Variants in TEAD1 observed in about 807,000 individuals in gnomAD.
TEAD1 encodes the protein transcriptional enhancer factor TEF-1.
A neutral mutation model predicts 54.9 loss-of-function variants in TEAD1; 9 were observed. The observed-to-expected ratio is 0.16, with a 90% confidence interval of 0.10 to 0.29. The LOEUF is 0.29. Ranked by LOEUF, TEAD1 falls within the 10% of genes least tolerant of loss-of-function variation. The pLI is 1.00. For missense variants in TEAD1, 387 were observed against 535.9 expected, an observed-to-expected ratio of 0.72 and a Z score of 2.74; for synonymous variants, 200 against 187.8, an observed-to-expected ratio of 1.07 and a Z score of -0.53.
At chr11:12,686,932 A>G (rs567208583) in intron 2 of TEAD1, among the ~76,000 whole-genome samples, 1 of 152,222 alleles carries the variant, frequency 6.6e-6, no homozygotes, top group Admixed American at 6.5e-5. Context: ...GCTCTGACCA[A>G]AACAATGGCG....
chr11:12,693,374 C>T (rs1314159763), intron 2 of TEAD1, among the ~76,000 whole-genome samples: 1 of 152,242 alleles, frequency 6.6e-6, no homozygotes, highest in African/African-American at 2.4e-5. Context: ...GGTCTGCTCA[C>T]TCTGAACTCT....
intron 2 of TEAD1, among the ~76,000 whole-genome samples, chr11:12,679,596 A>G (rs1289701772): frequency 6.6e-6 from 1 of 152,190 alleles, no homozygotes; most frequent in Non-Finnish European, 1.5e-5. Flanking sequence ...GAACATATTG[A>G]ACTTATATTC....
intron 10 of TEAD1, among the ~76,000 whole-genome samples, chr11:12,921,686 G>A (rs1020412593): frequency 2.6e-5 from 4 of 152,218 alleles, no homozygotes; most frequent in Admixed American, 2.6e-4. Context: ...GGCAGTTCTT[G>A]AAGGTAACAC....
At position 12,899,301 on chromosome 11, in the gene TEAD1, T is replaced by TAAAA. The variant is rs1444528525; in HGVS notation, c.700-2637_700-2636insAAAA. Among the ~76,000 whole-genome samples, 3 of 7,706 alleles carry TAAAA rather than the reference T, an allele frequency of 3.9e-4. No individual in the cohort carries two copies. The Non-Finnish European group carries it at 7.3e-3, about 19-fold the overall frequency. 5.1% of individuals were successfully genotyped at this position (7,706 alleles called of 152,430 possible). ...ACGGATACATAGCCAGTTGTCTAGG[T>TAAAA]AATAAACAATGCCTTTTGCCCTGTA... On this transcript the variant is annotated intron_variant, in intron 9 of 12. Coordinates refer to ENST00000527636, the MANE Select transcript of TEAD1 (RefSeq NM_021961.6).
chr11:12,797,602 C>A (rs1382850372), intron 3 of TEAD1, among the ~76,000 whole-genome samples: 1 of 151,900 alleles, frequency 6.6e-6, no homozygotes, highest in East Asian at 1.9e-4. Context: ...CTTCCTGACT[C>A]CACTAAGTAG....
chr11:12,720,233 TAGAG>T (rs1430427385), intron 2 of TEAD1, among the ~76,000 whole-genome samples: 1 of 152,072 alleles, frequency 6.6e-6, no homozygotes. Context: ...GTTAGATCTC[TAGAG>T]AGAGGAATAG....
chr11:12,875,749 A>G (rs77778720), intron 5 of TEAD1, among the ~76,000 whole-genome samples: 1,743 of 152,320 alleles, frequency 0.011, 29 homozygotes, highest in African/African-American at 0.04. Flanking sequence ...TTTCCTTTCT[A>G]CACTTAGCTT....
intron 3 of TEAD1, among the ~76,000 whole-genome samples, chr11:12,856,156 T>C (rs1457158457): frequency 6.6e-6 from 1 of 150,970 alleles, no homozygotes; most frequent in Non-Finnish European, 1.5e-5. Flanking sequence ...AACTTTATGT[T>C]CATGATCTGG....
In TEAD1 at chr11:12,937,293, C is replaced by A; in HGVS notation, c.*71C>A. The A allele has an allele frequency of 8.0e-7, 1 of 1,254,818 alleles. No homozygotes were observed. Among genetic ancestry groups the A allele is most frequent in the Non-Finnish European group, 1.1e-6 (1 of 870,890 alleles). 77.7% of individuals were successfully genotyped at this position (1,254,818 alleles called of 1,614,324 possible). On this transcript the variant is annotated 3_prime_UTR_variant, in exon 13 of 13. Transcript: ENST00000527636. ...TATGTGCACACACACACTCTCTCTC[C>A]ATTATCGAACGACTGACTGTAAACC...
At chr11:12,727,681 A>G (rs1163163888) in intron 2 of TEAD1, among the ~76,000 whole-genome samples, 8 of 152,214 alleles carry the variant, frequency 5.3e-5, no homozygotes, top group Admixed American at 5.2e-4. Context: ...TAGAAGGTCG[A>G]AGTGTGGGAA....
At chr11:12,756,123 G>C (rs1051471205) in intron 2 of TEAD1, among the ~76,000 whole-genome samples, 1 of 152,200 alleles carries the variant, frequency 6.6e-6, no homozygotes, top group Non-Finnish European at 1.5e-5. Context: ...CCTCTAATGG[G>C]ATGCTTAGCA....
intron 3 of TEAD1, among the ~76,000 whole-genome samples, chr11:12,809,941 G>A (rs1418612317): frequency 6.6e-6 from 1 of 151,280 alleles, no homozygotes; most frequent in Non-Finnish European, 1.5e-5. Flanking sequence ...GAGGAGGTGT[G>A]GAGGAGGAAA....
chr11:12,839,421 A>G (rs1946978021), intron 3 of TEAD1, among the ~76,000 whole-genome samples: 1 of 145,560 alleles, frequency 6.9e-6, no homozygotes, highest in Non-Finnish European at 1.5e-5. Flanking sequence ...AAAACAAAAC[A>G]AACAAACAAA....
intron 3 of TEAD1, among the ~76,000 whole-genome samples, chr11:12,767,744 C>T (rs571911361): frequency 7.2e-5 from 11 of 152,082 alleles, no homozygotes; most frequent in Non-Finnish European, 1.6e-4. Context: ...TGTAGGCAGT[C>T]GTTTTTATGG....
At chr11:12,744,893 G>GAA (rs1944716116) in intron 2 of TEAD1, among the ~76,000 whole-genome samples, 1 of 152,130 alleles carries the variant, frequency 6.6e-6, no homozygotes, top group African/African-American at 2.4e-5. Flanking sequence ...AGACTGCACG[G>GAA]GTTCTGAGAG....
chr11:12,776,345 G>A lies in TEAD1; in HGVS notation c.202+11911G>A, dbSNP rs576110367. The stretch of plus-strand genomic sequence containing the variant: ...CTCACACCGCAAATAGAATGAACGG[G>A]ATCCACATCTCTGCTGAGTATTTTT... On this transcript the variant is annotated intron_variant, in intron 3 of 12. Transcript: ENST00000527636. 2.6e-5 allele frequency among the ~76,000 whole-genome samples: 4 copies of A among 152,252 alleles called. 1 individual carries two copies. The South Asian group carries it at 8.3e-4, about 32-fold the overall frequency.
intron 3 of TEAD1, among the ~76,000 whole-genome samples, chr11:12,810,456 G>T (rs1198769955): frequency 6.6e-6 from 1 of 152,138 alleles, no homozygotes; most frequent in Non-Finnish European, 1.5e-5. Context: ...TCTTAAACTA[G>T]GGGTGTGCTG....
chr11:12,934,046 C>G (rs1949056083), intron 12 of TEAD1, among the ~76,000 whole-genome samples: 1 of 152,084 alleles, frequency 6.6e-6, no homozygotes. Flanking sequence ...GGTATATACC[C>G]AAAGGATTAT....
At chr11:12,901,332 A>G (rs1402807987) in intron 9 of TEAD1, among the ~76,000 whole-genome samples, 1 of 152,078 alleles carries the variant, frequency 6.6e-6, no homozygotes, top group Non-Finnish European at 1.5e-5. Flanking sequence ...GGCCTTGTAG[A>G]TCTTCTCTGT....
Sources: allele counts gnomAD v4.1 joint callset (sites outside exome capture counted in the v4.1 genomes callset), GRCh38; gene constraint gnomAD v4.1.1; transcripts MANE v1.5; gene names NCBI Gene and HGNC (gene_info 2026-07-23, HGNC 2026-07-21).